Variants in CACNG3 observed in about 807,000 individuals in gnomAD.
The protein encoded by CACNG3 is calcium voltage-gated channel auxiliary subunit gamma 3.
A neutral mutation model predicts 28.5 loss-of-function variants in CACNG3; 3 were observed. The ratio of observed to expected loss-of-function variants is 0.11; its 90% confidence interval spans 0.05 to 0.27. The LOEUF (loss-of-function observed/expected upper bound fraction) is 0.27. Among genes scored for constraint, CACNG3 ranks in the 10% least tolerant of loss-of-function variants. The pLI is 1.00. For missense variants in CACNG3, 236 were observed against 414.4 expected (o/e 0.57, Z 3.74); for synonymous variants, 174 against 162.2 (o/e 1.07, Z -0.55).
At chr16:24,302,375 G>C (rs1461055026) in intron 1 of CACNG3, among the ~76,000 whole-genome samples, 1 of 152,202 alleles carries the variant, frequency 6.6e-6, no homozygotes, top group Non-Finnish European at 1.5e-5. Flanking sequence ...GAGTCTGTAA[G>C]AAATGCAGTT....
At chr16:24,346,445 G>A (rs901820134) in intron 1 of CACNG3, among the ~76,000 whole-genome samples, 1 of 152,156 alleles carries the variant, frequency 6.6e-6, no homozygotes, top group African/African-American at 2.4e-5. Flanking sequence ...AGGCATAGTG[G>A]CACATGCCTA....
chr16:24,292,817 C>T (rs992582813), intron 1 of CACNG3, among the ~76,000 whole-genome samples: 1 of 152,006 alleles, frequency 6.6e-6, no homozygotes, highest in African/African-American at 2.4e-5. Flanking sequence ...CAGAATGAAC[C>T]AAAAAATTAT....
At chr16:24,317,709 AAAGAAAAG>A (rs1395678331) in intron 1 of CACNG3, among the ~76,000 whole-genome samples, 1 of 108,708 alleles carries the variant, frequency 9.2e-6, no homozygotes, top group African/African-American at 4.0e-5. Flanking sequence ...AGAAAGAAAG[AAAGAAAAG>A]AAAGAAAAGA....
At chr16:24,304,447 C>A (rs184671131) in intron 1 of CACNG3, among the ~76,000 whole-genome samples, 3 of 152,184 alleles carry the variant, frequency 2.0e-5, no homozygotes, top group Non-Finnish European at 1.5e-5. Context: ...TATACCTCTG[C>A]CTAACCAGCG....
intron 2 of CACNG3, among the ~76,000 whole-genome samples, chr16:24,349,904 G>A (rs1899918257): frequency 6.6e-6 from 1 of 152,118 alleles, no homozygotes; most frequent in African/African-American, 2.4e-5. Context: ...AAAGCCCACA[G>A]GTTCTGTTGA....
intron 1 of CACNG3, among the ~76,000 whole-genome samples, chr16:24,326,963 C>G (rs1377582583): frequency 3.3e-5 from 5 of 151,814 alleles, no homozygotes; most frequent in Non-Finnish European, 4.4e-5. Flanking sequence ...GCTCCAGGCT[C>G]GAGGCTCAGG....
chr16:24,285,610 G>A (rs550932246), intron 1 of CACNG3, among the ~76,000 whole-genome samples: 74 of 152,206 alleles, frequency 4.9e-4, no homozygotes, highest in African/African-American at 1.7e-3. Context: ...GGCAGGAGGA[G>A]TTCAAGTCTA....
intron 1 of CACNG3, among the ~76,000 whole-genome samples, chr16:24,289,311 A>G (rs570982125): frequency 3.3e-4 from 50 of 152,214 alleles, no homozygotes; most frequent in African/African-American, 4.3e-4. Flanking sequence ...AAAGAAAAAA[A>G]AAAAAGAAAA....
intron 2 of CACNG3, 67 bp from the exon 3 acceptor site, chr16:24,354,766 G>A (rs1372774071): frequency 1.3e-5 from 20 of 1,535,644 alleles, no homozygotes; most frequent in Admixed American, 3.6e-5. Context: ...GCACTCCTGC[G>A]CTTGCAATGG....
chr16:24,281,630 A>C (rs1898828559), intron 1 of CACNG3, among the ~76,000 whole-genome samples: 1 of 152,174 alleles, frequency 6.6e-6, no homozygotes, highest in Non-Finnish European at 1.5e-5. Context: ...CACTGCAGAC[A>C]AAGGGTCCCC....
chr16:24,333,893 T>G (rs936633486), intron 1 of CACNG3, among the ~76,000 whole-genome samples: 2 of 152,116 alleles, frequency 1.3e-5, no homozygotes, highest in African/African-American at 4.8e-5. Context: ...GGAATTCAGA[T>G]GCCCAGATAA....
At chr16:24,311,274 G>C (rs1477810582) in intron 1 of CACNG3, among the ~76,000 whole-genome samples, 4 of 152,202 alleles carry the variant, frequency 2.6e-5, no homozygotes, top group African/African-American at 9.6e-5. Flanking sequence ...ACTTTGGGAG[G>C]CCGAGGAGGG....
chr16:24,322,453 CT>C (rs1242601588), intron 1 of CACNG3, among the ~76,000 whole-genome samples: 3 of 152,132 alleles, frequency 2.0e-5, no homozygotes, highest in African/African-American at 7.2e-5. Flanking sequence ...TAAACACACT[CT>C]TTTTTCTCTT....
intron 1 of CACNG3, among the ~76,000 whole-genome samples, chr16:24,336,951 A>T (rs76051249): frequency 0.02 from 3,013 of 151,658 alleles, 99 homozygotes; most frequent in African/African-American, 0.069. Flanking sequence ...AGCATCTGGG[A>T]CTCTAGGTGT....
intron 1 of CACNG3, among the ~76,000 whole-genome samples, chr16:24,303,209 G>A (rs908085351): frequency 5.3e-5 from 8 of 152,048 alleles, no homozygotes; most frequent in African/African-American, 1.9e-4. Context: ...ATTCCTCGCT[G>A]TCTCCTCTAC....
At chr16:24,291,820 CAT>C (rs1898971984) in intron 1 of CACNG3, among the ~76,000 whole-genome samples, 2 of 152,234 alleles carry the variant, frequency 1.3e-5, no homozygotes, top group South Asian at 4.1e-4. Context: ...AATTAGCACA[CAT>C]GAGATGCATT....
At chr16:24,350,581 C>T (rs778671243) in intron 2 of CACNG3, among the ~76,000 whole-genome samples, 9 of 152,168 alleles carry the variant, frequency 5.9e-5, no homozygotes, top group Non-Finnish European at 8.8e-5. Context: ...AGATTACAGG[C>T]GTGAGCCACT....
intron 1 of CACNG3, among the ~76,000 whole-genome samples, chr16:24,324,034 A>G (rs933234124): frequency 6.6e-6 from 1 of 152,192 alleles, no homozygotes; most frequent in African/African-American, 2.4e-5. Flanking sequence ...TCGGCCTCCT[A>G]AAGTGTTGGG....
At chr16:24,295,316 C>A (rs1899017369) in intron 1 of CACNG3, among the ~76,000 whole-genome samples, 1 of 152,060 alleles carries the variant, frequency 6.6e-6, no homozygotes, top group Non-Finnish European at 1.5e-5. Flanking sequence ...AAGGATGTCC[C>A]CTGTGTACCT....
Sources: gnomAD v4.1 joint callset for allele counts (sites outside exome capture counted in the v4.1 genomes callset) on GRCh38, gnomAD v4.1.1 for gene constraint, MANE v1.5 for transcripts, NCBI Gene and HGNC (gene_info 2026-07-23, HGNC 2026-07-21) for gene names.